CLASP2: variants seen among roughly 807,000 people sequenced by gnomAD.
The protein encoded by CLASP2 is CLIP-associating protein 2.
Under a neutral mutation model 194.4 loss-of-function variants are expected in CLASP2, and 47 were observed. The ratio of observed to expected loss-of-function variants is 0.24; its 90% CI spans 0.19 to 0.31. The LOEUF is 0.31. Among genes scored for constraint, CLASP2 ranks in the 10% least tolerant of loss-of-function variants. The pLI is 1.00. For missense variants in CLASP2, 1,445 were observed against 1,823.6 expected (o/e 0.79, Z 3.78); for synonymous variants, 619 against 633.5 (o/e 0.98, Z 0.34).
In CLASP2 at chr3:33,619,587, G is replaced by T. The variant is rs1361883975; in HGVS notation, c.1317+16C>A. 6.5e-7 allele frequency: 1 copy of T among 1,540,526 alleles called. No homozygotes were observed. Among genetic ancestry groups the T allele is most frequent in the Non-Finnish European group, 8.8e-7 (1 of 1,142,690 alleles). On this transcript the variant is annotated intron_variant, in intron 12 of 38. Coordinates refer to ENST00000682230, the MANE Select transcript of CLASP2 (RefSeq NM_001365631.1). ...GGGGGAGGAGGCAGCAGTAGAAAAC[G>T]AGAGAGCAAACCTACCCGAATGATA... is the stretch of plus-strand genomic sequence containing the variant.
intron 8 of CLASP2, among the ~76,000 whole-genome samples, chr3:33,638,453 C>T (rs1419743679): frequency 6.6e-5 from 10 of 152,074 alleles, no homozygotes; most frequent in African/African-American, 9.7e-5. Flanking sequence ...TACAGGCACT[C>T]GCCACCATGC....
rs879094827 is a variant in CLASP2, at chr3:33,588,807, G to C, written c.2068+3588C>G. The C allele has an allele frequency of 4.4e-6, 3 of 689,072 alleles. No individual in the cohort carries two copies. The Admixed American group carries it at 6.3e-5, about 15-fold the overall frequency. The allele number at this position is 689,072 out of a possible 1,614,324, so 42.7% of individuals were successfully genotyped here. On this transcript the variant is annotated intron_variant, in intron 21 of 38. Transcript: ENST00000682230. Reference sequence around the variant, plus strand: ...GGGAAGGAGCAGTTTTTAAATGGATGGCAGATGGAAATAAGAAAGCTTTAG... The same window carrying C: ...GGGAAGGAGCAGTTTTTAAATGGATCGCAGATGGAAATAAGAAAGCTTTAG...
At chr3:33,697,473 T>C (rs2092026182) in intron 1 of CLASP2, among the ~76,000 whole-genome samples, 1 of 152,224 alleles carries the variant, frequency 6.6e-6, no homozygotes, top group Non-Finnish European at 1.5e-5. Context: ...AAGCACAACA[T>C]TGCAACAATT....
intron 2 of CLASP2, among the ~76,000 whole-genome samples, chr3:33,693,303 T>C (rs993367032): frequency 2.0e-5 from 3 of 152,108 alleles, no homozygotes; most frequent in African/African-American, 7.2e-5. Flanking sequence ...TAAAAGAATA[T>C]TAAAAATACA....
intron 7 of CLASP2, among the ~76,000 whole-genome samples, chr3:33,650,508 G>C (rs1251182005): frequency 6.6e-6 from 1 of 152,142 alleles, no homozygotes; most frequent in Non-Finnish European, 1.5e-5. Context: ...TTATTAAAGT[G>C]AGCAGGCTGC....
intron 2 of CLASP2, among the ~76,000 whole-genome samples, chr3:33,695,924 A>T (rs1487027685): frequency 6.6e-6 from 1 of 152,228 alleles, no homozygotes; most frequent in East Asian, 1.9e-4. Context: ...TTAGAAAATA[A>T]GTCAGAGCCA....
intron 21 of CLASP2, chr3:33,592,137 C>T (rs2068938551): frequency 1.4e-6 from 1 of 696,886 alleles, no homozygotes; most frequent in South Asian, 1.5e-5. Context: ...TAATAAAACA[C>T]CAAAGACAAG....
At position 33,551,363 on chromosome 3, in the gene CLASP2, A is replaced by T. The variant is rs1398766459; in HGVS notation, c.3042T>A (p.Thr1014=). 6.2e-7 allele frequency: 1 copy of T among 1,613,726 alleles called. No individual in the cohort carries two copies. The highest frequency in any genetic ancestry group is 8.5e-7 in the Non-Finnish European group (1 of 1,179,816). Residue 1014 remains threonine (T), a synonymous_variant, in exon 30 of 39, where the codon ACT becomes ACA. Transcript: ENST00000682230. Reference sequence around the variant, plus strand: ...CTCCTGGATCCATCTGTTTGGCCAGAGTTTCTATGTATTTAAGGATAGCAA... The same window carrying T: ...CTCCTGGATCCATCTGTTTGGCCAGTGTTTCTATGTATTTAAGGATAGCAA... ...VKVAILKYIE[T]LAKQMDPGDF...
rs115617296 is a variant in CLASP2, at chr3:33,590,751, C to T, written c.2068+1644G>A. 3.7e-3 allele frequency among the ~76,000 whole-genome samples: 565 copies of T among 152,286 alleles called. 2 individuals are homozygous for T. Among genetic ancestry groups the T allele is most frequent in the African/African-American group, 0.013 (537 of 41,562 alleles). ...TGGGTAAGACTTGCGTAATCACTATCCTGCCCCTCAATGCCCCATTCTCTT... is the reference window on the plus strand; with the variant it reads ...TGGGTAAGACTTGCGTAATCACTATTCTGCCCCTCAATGCCCCATTCTCTT... On this transcript the variant is annotated intron_variant, in intron 21 of 38. Transcript: ENST00000682230.
At chr3:33,549,532 T>C (rs1158329655) in intron 30 of CLASP2, among the ~76,000 whole-genome samples, 1 of 152,042 alleles carries the variant, frequency 6.6e-6, no homozygotes, top group Non-Finnish European at 1.5e-5. Flanking sequence ...GTTTTCTAAA[T>C]ACCTTTCTAT....
intron 38 of CLASP2, among the ~76,000 whole-genome samples, chr3:33,500,374 G>T (rs2046564189): frequency 6.6e-6 from 1 of 151,956 alleles, no homozygotes; most frequent in Non-Finnish European, 1.5e-5. Flanking sequence ...CCTACCTACT[G>T]TCTTCACATG....
intron 1 of CLASP2, among the ~76,000 whole-genome samples, chr3:33,697,152 A>G (rs9867386): frequency 0.36 from 55,410 of 152,112 alleles, 10,625 homozygotes; most frequent in Admixed American, 0.47. Flanking sequence ...GGAAGATAGC[A>G]ATAAAGCATA....
At chr3:33,563,931 C>T (rs770076900) in intron 27 of CLASP2, 34 of 456,086 alleles carry the variant, frequency 7.5e-5, no homozygotes, top group Non-Finnish European at 1.5e-4. Context: ...CCTAACACAT[C>T]CCCACTCCAT....
intron 1 of CLASP2, among the ~76,000 whole-genome samples, chr3:33,706,170 C>A (rs1455772254): frequency 2.6e-5 from 4 of 152,054 alleles, no homozygotes; most frequent in African/African-American, 9.7e-5. Flanking sequence ...ATCACCTGAG[C>A]CCGGGACGTC....
intron 24 of CLASP2, among the ~76,000 whole-genome samples, chr3:33,573,664 C>A (rs1389349277): frequency 6.6e-6 from 1 of 151,908 alleles, no homozygotes; most frequent in Non-Finnish European, 1.5e-5. Flanking sequence ...TCACGAAAAA[C>A]CAAGAACTAC....
At chr3:33,620,996 T>TG (rs1491207770) in intron 11 of CLASP2, among the ~76,000 whole-genome samples, 6 of 106,340 alleles carry the variant, frequency 5.6e-5, no homozygotes, top group African/African-American at 1.9e-4. Flanking sequence ...TCTGTAGCTC[T>TG]TTGTGTGTGT....
chr3:33,690,639 G>A (rs2154348143), intron 2 of CLASP2, among the ~76,000 whole-genome samples: 1 of 152,266 alleles, frequency 6.6e-6, no homozygotes, highest in South Asian at 2.1e-4. Flanking sequence ...ATGGCCAACT[G>A]TGGTCTGAAA....
rs557274011 is a variant in CLASP2 at position 33,551,939 on chromosome 3, GT to G, written c.3010-545del. Among the ~76,000 whole-genome samples, 464 of 131,280 alleles carry G rather than the reference GT, an allele frequency of 3.5e-3. 7 individuals are homozygous for G. The East Asian group carries it at 0.037, about 11-fold the overall frequency. 86.1% of individuals were successfully genotyped at this position (131,280 alleles called of 152,430 possible). A position where few individuals can be genotyped will look rare whatever the true frequency, so the allele number is the denominator to read the frequency against. ...GGTAGCAATCAAGGTGGGCAATATA[GT>G]TTTTTTTTTTTTTTTTGGTAAAACA... On this transcript the variant is annotated intron_variant, in intron 29 of 38. Coordinates refer to ENST00000682230, the MANE Select transcript of CLASP2 (RefSeq NM_001365631.1).
At chr3:33,652,854 T>C (rs1318817458) in intron 7 of CLASP2, among the ~76,000 whole-genome samples, 1 of 152,126 alleles carries the variant, frequency 6.6e-6, no homozygotes, top group Non-Finnish European at 1.5e-5. Context: ...TGTGCTCAAG[T>C]TTTCCTTTGA....
Sources: allele counts gnomAD v4.1 joint callset (sites outside exome capture counted in the v4.1 genomes callset), GRCh38; gene constraint gnomAD v4.1.1; transcripts MANE v1.5; gene names NCBI Gene and HGNC (gene_info 2026-07-23, HGNC 2026-07-21).